Variants in RPS6KA2 observed in about 807,000 individuals in gnomAD.
The protein encoded by RPS6KA2 is ribosomal protein S6 kinase A2, also known as ribosomal protein S6 kinase alpha-2.
A neutral mutation model predicts 91.8 loss-of-function variants in RPS6KA2; 42 were observed. The observed-to-expected ratio is 0.46, with a 90% CI of 0.36 to 0.59. RPS6KA2 has a LOEUF of 0.59. Ranked by LOEUF, RPS6KA2 falls within the 20% of genes least tolerant of loss-of-function variation. The probability of loss-of-function intolerance (pLI) is 0.00; values close to 1 mark genes in which losing one functional copy is unlikely to be tolerated. For missense variants in RPS6KA2, 798 were observed against 978.5 expected (o/e 0.82, Z 2.46); for synonymous variants, 414 against 393.6 (o/e 1.05, Z -0.61).
chr6:166,562,454 C>T (rs1784372582), intron 1 of RPS6KA2, among the ~76,000 whole-genome samples: 1 of 152,218 alleles, frequency 6.6e-6, no homozygotes, highest in South Asian at 2.1e-4. Flanking sequence ...TAATGACCAT[C>T]TCTGGCTCTC....
chr6:166,721,742 C>G lies in RPS6KA2; in HGVS notation c.123+136458G>C, dbSNP rs565966835. Among the ~76,000 whole-genome samples, 174 of 152,290 alleles carry G rather than the reference C, an allele frequency of 1.1e-3. 1 individual carries two copies. Among genetic ancestry groups the G allele is most frequent in the African/African-American group, 4.0e-3 (166 of 41,558 alleles). ...TGGGCGGGCGGCAGAGTTAGCAGAGCTGGACTTTAACAGAAGCTCCCGCCC... is the reference window on the plus strand; with the variant it reads ...TGGGCGGGCGGCAGAGTTAGCAGAGGTGGACTTTAACAGAAGCTCCCGCCC... On this transcript the variant is annotated intron_variant, in intron 2 of 21. Transcript: ENST00000503859.
intron 2 of RPS6KA2, among the ~76,000 whole-genome samples, chr6:166,721,463 T>A (rs1790171692): frequency 6.6e-6 from 1 of 152,208 alleles, no homozygotes; most frequent in African/African-American, 2.4e-5. Flanking sequence ...TGCCAGAGAT[T>A]TTACCAGATG....
At position 166,727,881 on chromosome 6, in the gene RPS6KA2, G is replaced by A. The variant is rs988203649; in HGVS notation, c.123+130319C>T. 2.9e-4 allele frequency among the ~76,000 whole-genome samples: 42 copies of A among 144,660 alleles called. 1 individual carries two copies. Among genetic ancestry groups the A allele is most frequent in the African/African-American group, 1.1e-3 (40 of 35,364 alleles). 94.9% of individuals were successfully genotyped at this position (144,660 alleles called of 152,430 possible). ...AGGCCAGACTACAGCTTCAGGAGCC[G>A]AGCACCAGTGACCCTCTGATAGGGG... On this transcript the variant is annotated intron_variant, in intron 2 of 21. Transcript: ENST00000503859.
chr6:166,787,337 TG>T (rs1215324976), intron 2 of RPS6KA2, among the ~76,000 whole-genome samples: 2 of 152,138 alleles, frequency 1.3e-5, no homozygotes, highest in Non-Finnish European at 2.9e-5. Flanking sequence ...TTAAGTGTTT[TG>T]GGGAAAAGTT....
chr6:166,457,960 G>T (rs151293057), intron 12 of RPS6KA2, among the ~76,000 whole-genome samples: 103 of 152,306 alleles, frequency 6.8e-4, no homozygotes, highest in African/African-American at 2.4e-3. Flanking sequence ...GATCCAAGAT[G>T]CAGCCTGGCC....
chr6:166,664,122 G>C (rs757415232), intron 2 of RPS6KA2, among the ~76,000 whole-genome samples: 1 of 152,354 alleles, frequency 6.6e-6, no homozygotes, highest in Non-Finnish European at 1.5e-5. Context: ...CATAGGATAG[G>C]CCATTCTTTT....
At chr6:166,797,040 C>T (rs996743998) in intron 2 of RPS6KA2, among the ~76,000 whole-genome samples, 25 of 152,222 alleles carry the variant, frequency 1.6e-4, no homozygotes, top group African/African-American at 5.1e-4. Flanking sequence ...GTGGCTCTCA[C>T]GCCCGAGCAA....
chr6:166,704,788 G>C (rs1193685193), intron 2 of RPS6KA2, among the ~76,000 whole-genome samples: 1 of 152,152 alleles, frequency 6.6e-6, no homozygotes, highest in African/African-American at 2.4e-5. Context: ...GGGCTCCAAG[G>C]CTCAGTCCTC....
At chr6:166,451,072 C>T (rs753751051) in intron 13 of RPS6KA2, 31 bp downstream of exon 13, 3 of 1,613,028 alleles carry the variant, frequency 1.9e-6, no homozygotes, top group South Asian at 2.2e-5. Context: ...TGCCCTCTTA[C>T]CCCCAACCCA....
At chr6:166,439,428 AC>A (rs1375140229) in intron 14 of RPS6KA2, among the ~76,000 whole-genome samples, 7 of 152,172 alleles carry the variant, frequency 4.6e-5, no homozygotes, top group African/African-American at 1.7e-4. Context: ...CTTTTAATCA[AC>A]ACTTAGCCTT....
At chr6:166,765,416 A>T (rs1778284591) in intron 2 of RPS6KA2, among the ~76,000 whole-genome samples, 1 of 152,218 alleles carries the variant, frequency 6.6e-6, no homozygotes, top group South Asian at 2.1e-4. Context: ...CCCACCTCCA[A>T]GATCCCTGCT....
chr6:166,531,890 CA>C (rs1783290594), intron 2 of RPS6KA2, among the ~76,000 whole-genome samples: 2 of 150,870 alleles, frequency 1.3e-5, no homozygotes, highest in African/African-American at 4.9e-5. Flanking sequence ...AGAAAAACAA[CA>C]AAAAAAGGTA....
rs545122373 is a variant in RPS6KA2 at position 166,733,033 on chromosome 6, A to G, written c.123+125167T>C. On this transcript the variant is annotated intron_variant, in intron 2 of 21. Transcript: ENST00000503859. The surrounding 1 kb of genome is among the most constrained non-coding windows in gnomAD (Gnocchi z 4.1). ...GCCCAGTTTTGCATCGGATTTCTGG[A>G]GGTTTGGGACCCTCTTTGCAGAAGC... 2.0e-5 allele frequency among the ~76,000 whole-genome samples: 3 copies of G among 152,222 alleles called. No individual in the cohort carries two copies. The South Asian group carries it at 6.2e-4, about 32-fold the overall frequency.
At chr6:166,627,287 C>A, upstream of RPS6KA2, 2 of 944,602 alleles carry the variant, frequency 2.1e-6, no homozygotes, top group Non-Finnish European at 2.5e-6. Flanking sequence ...TACACCACGC[C>A]CACCACCACT....
At chr6:166,755,343 C>A (rs1777980805) in intron 2 of RPS6KA2, among the ~76,000 whole-genome samples, 1 of 152,106 alleles carries the variant, frequency 6.6e-6, no homozygotes, top group Admixed American at 6.6e-5. Flanking sequence ...ATGCATTGGG[C>A]CTCCTAGATG....
intron 1 of RPS6KA2, among the ~76,000 whole-genome samples, chr6:166,605,793 A>G (rs770941109): frequency 1.6e-4 from 25 of 152,256 alleles, no homozygotes; most frequent in Admixed American, 4.6e-4. Context: ...TATGGAAAAG[A>G]GCAAATCAAA....
At chr6:166,679,718 G>C (rs571014915) in intron 2 of RPS6KA2, among the ~76,000 whole-genome samples, 77 of 152,354 alleles carry the variant, frequency 5.1e-4, no homozygotes, top group African/African-American at 1.8e-3. Flanking sequence ...GGGGCTGGCC[G>C]AGGCCGGAGC....
At chr6:166,731,767 G>A (rs902108143) in intron 2 of RPS6KA2, among the ~76,000 whole-genome samples, 2 of 152,090 alleles carry the variant, frequency 1.3e-5, no homozygotes, top group African/African-American at 4.8e-5. Flanking sequence ...AAACCTGGAT[G>A]TGAATTTGCA....
At chr6:166,812,200 A>T (rs1779654107) in intron 2 of RPS6KA2, among the ~76,000 whole-genome samples, 1 of 151,590 alleles carries the variant, frequency 6.6e-6, no homozygotes, top group Non-Finnish European at 1.5e-5. Context: ...TACTAAAAAT[A>T]AAAAAATTAG....
Sources: gnomAD v4.1 joint callset for allele counts (sites outside exome capture counted in the v4.1 genomes callset) on GRCh38, gnomAD v4.1.1 for gene constraint, Gnocchi (gnomAD v3.1) non-coding constraint, MANE v1.5 for transcripts, NCBI Gene and HGNC (gene_info 2026-07-23, HGNC 2026-07-21) for gene names.